The following VPS13B variants were observed in gnomAD, a reference collection of about 807,000 sequenced individuals.
VPS13B encodes the protein intermembrane lipid transfer protein VPS13B.
Under a neutral mutation model 426.4 loss-of-function variants are expected in VPS13B, and 285 were observed. The observed-to-expected ratio is 0.67, with a 90% CI of 0.61 to 0.74. The LOEUF is 0.74. VPS13B is among the 30% of genes least tolerant of loss of function. The pLI is 0.00. For synonymous variants in VPS13B, 1,676 were observed against 1,676.4 expected (o/e 1.00, Z 0.01); for missense variants, 4,537 against 4,782.6 (o/e 0.95, Z 1.51).
At chr8:99,611,549 C>A (rs1226634419) in intron 33 of VPS13B, among the ~76,000 whole-genome samples, 1 of 151,568 alleles carries the variant, frequency 6.6e-6, no homozygotes, top group East Asian at 1.9e-4. Flanking sequence ...AACAAATAAA[C>A]CAAAAAACAT....
intron 19 of VPS13B, among the ~76,000 whole-genome samples, chr8:99,311,654 G>A (rs1258619190): frequency 6.6e-6 from 1 of 152,172 alleles, no homozygotes; most frequent in Non-Finnish European, 1.5e-5. Context: ...CTGTTGATTT[G>A]GGGTAGAGAG....
At chr8:99,070,027 C>T (rs1299075403) in intron 3 of VPS13B, among the ~76,000 whole-genome samples, 2 of 152,162 alleles carry the variant, frequency 1.3e-5, no homozygotes, top group Admixed American at 1.3e-4. Context: ...GCCACGGCAT[C>T]CCAAGTAGCT....
intron 34 of VPS13B, among the ~76,000 whole-genome samples, chr8:99,655,761 G>A (rs59296220): frequency 8.6e-4 from 131 of 152,336 alleles, no homozygotes; most frequent in African/African-American, 2.5e-3. Flanking sequence ...AAGAAAAGAA[G>A]TGAATTCAAT....
chr8:99,700,241 A>G (rs1226922978), intron 36 of VPS13B, among the ~76,000 whole-genome samples: 1 of 152,210 alleles, frequency 6.6e-6, no homozygotes, highest in Non-Finnish European at 1.5e-5. Flanking sequence ...ATCAAGTTTT[A>G]TGAACCATAA....
intron 54 of VPS13B, 142 bp downstream of exon 54, chr8:99,835,880 C>T (rs1001021804): frequency 4.6e-5 from 39 of 843,316 alleles, no homozygotes; most frequent in Middle Eastern, 3.5e-4. Context: ...TCCATTTTTA[C>T]GTCCTCATTA....
intron 34 of VPS13B, among the ~76,000 whole-genome samples, chr8:99,657,014 T>C (rs1241256572): frequency 6.6e-6 from 1 of 152,192 alleles, no homozygotes; most frequent in African/African-American, 2.4e-5. Context: ...TATATTAATA[T>C]TTTGTTGGGA....
At chr8:99,118,225 A>G (rs1847767701) in intron 7 of VPS13B, among the ~76,000 whole-genome samples, 1 of 152,148 alleles carries the variant, frequency 6.6e-6, no homozygotes, top group African/African-American at 2.4e-5. Context: ...TCTTCTATTG[A>G]TATTCTGTTA....
At chr8:99,716,408 T>C (rs1335076960) in intron 36 of VPS13B, among the ~76,000 whole-genome samples, 2 of 152,158 alleles carry the variant, frequency 1.3e-5, no homozygotes, top group African/African-American at 4.8e-5. Context: ...TATGACAATT[T>C]AGAATATGAG....
intron 39 of VPS13B, among the ~76,000 whole-genome samples, chr8:99,765,291 G>A (rs1021115729): frequency 6.6e-6 from 1 of 152,166 alleles, no homozygotes; most frequent in Non-Finnish European, 1.5e-5. Context: ...TACTCAGACC[G>A]ATCAGTCTTC....
intron 31 of VPS13B, among the ~76,000 whole-genome samples, chr8:99,557,996 A>G (rs1054341588): frequency 2.0e-5 from 3 of 152,092 alleles, no homozygotes; most frequent in African/African-American, 7.2e-5. Flanking sequence ...TGGTTTATTG[A>G]TTGAATTTCT....
At chr8:99,209,243 C>T (rs1814916808) in intron 17 of VPS13B, among the ~76,000 whole-genome samples, 1 of 149,690 alleles carries the variant, frequency 6.7e-6, no homozygotes, top group South Asian at 2.1e-4. Context: ...AGTGCCACTG[C>T]ACTCCATCCA....
At chr8:99,262,740 C>T (rs1364076044) in intron 17 of VPS13B, among the ~76,000 whole-genome samples, 1 of 151,950 alleles carries the variant, frequency 6.6e-6, no homozygotes, top group Admixed American at 6.6e-5. Context: ...ATCAATATGG[C>T]TCCTGGCTGT....
intron 33 of VPS13B, among the ~76,000 whole-genome samples, chr8:99,595,687 C>T (rs972284679): frequency 6.6e-6 from 1 of 151,690 alleles, no homozygotes; most frequent in African/African-American, 2.4e-5. Context: ...GAAAAGACAA[C>T]CCATAGAATC....
chr8:99,450,920 C>T (rs1395976816), intron 23 of VPS13B, among the ~76,000 whole-genome samples: 2 of 152,118 alleles, frequency 1.3e-5, no homozygotes, highest in East Asian at 3.9e-4. Context: ...AGATTATATA[C>T]TCAAACCTTT....
chr8:99,297,771 A>G lies in VPS13B; in HGVS notation c.2824+22517A>G, dbSNP rs1478736890. Among the ~76,000 whole-genome samples the G allele has an allele frequency of 2.0e-5, 3 of 152,294 alleles. No individual in the cohort carries two copies. In the East Asian group the frequency reaches 5.8e-4, roughly 29 times the overall value. On this transcript the variant is annotated intron_variant, in intron 19 of 61. Coordinates refer to ENST00000357162, the MANE Select transcript of VPS13B (RefSeq NM_152564.5). The stretch of plus-strand genomic sequence containing the variant: ...TACACGTATGATTTTGTACCCATAC[A>G]TTTTCTTCTGTACCTGCCTTTCCAC...
At chr8:99,473,194 C>T (rs1358377959) in intron 24 of VPS13B, among the ~76,000 whole-genome samples, 1 of 151,938 alleles carries the variant, frequency 6.6e-6, no homozygotes, top group Non-Finnish European at 1.5e-5. Flanking sequence ...TTCAAAAAGA[C>T]TTTACAAAAG....
At chr8:99,093,369 ATTTT>A (rs940438852) in intron 3 of VPS13B, among the ~76,000 whole-genome samples, 57 of 151,382 alleles carry the variant, frequency 3.8e-4, no homozygotes, top group African/African-American at 1.3e-3. Context: ...TTTTTTTTAA[ATTTT>A]TTTTATTTAT....
chr8:99,179,815 T>C (rs544542747), intron 16 of VPS13B, among the ~76,000 whole-genome samples: 12 of 152,306 alleles, frequency 7.9e-5, no homozygotes, highest in African/African-American at 2.6e-4. Context: ...TCTGGCTGTT[T>C]CTTTAACAAT....
intron 23 of VPS13B, among the ~76,000 whole-genome samples, chr8:99,463,907 C>G (rs564060248): frequency 1.2e-4 from 19 of 152,190 alleles, no homozygotes; most frequent in African/African-American, 4.3e-4. Flanking sequence ...GTTGGTCAGG[C>G]TGGTCTTGAA....
Sources: allele counts gnomAD v4.1 joint callset (sites outside exome capture counted in the v4.1 genomes callset), GRCh38; gene constraint gnomAD v4.1.1; transcripts MANE v1.5; gene names NCBI Gene and HGNC (gene_info 2026-07-23, HGNC 2026-07-21).